Variants in CDK6 observed in about 807,000 individuals in gnomAD.
CDK6 encodes cyclin dependent kinase 6.
CDK6 carries 6 observed loss-of-function variants against 37.1 expected under a neutral mutation model. The ratio of observed to expected loss-of-function variants is 0.16; its 90% CI spans 0.09 to 0.32. CDK6 has a LOEUF of 0.32. Ranked by LOEUF, CDK6 falls within the 10% of genes least tolerant of loss-of-function variation. The pLI is 1.00. For synonymous variants in CDK6, 160 were observed against 161.3 expected (o/e 0.99, Z 0.06); for missense variants, 224 against 418.9 (o/e 0.53, Z 4.06).
At chr7:92,740,015 C>G (rs754241563) in intron 3 of CDK6, among the ~76,000 whole-genome samples, 1 of 152,182 alleles carries the variant, frequency 6.6e-6, no homozygotes, top group Non-Finnish European at 1.5e-5. Context: ...GTCTTGGCCT[C>G]CCACAGCACT....
Position 92,610,954 on chromosome 7 carries a change from G to C in CDK6, c.*4186C>G, listed in dbSNP as rs1463310824. On this transcript the variant is annotated 3_prime_UTR_variant, in exon 8 of 8. Coordinates refer to ENST00000424848, the MANE Select transcript of CDK6 (RefSeq NM_001145306.2). ...CCTCTTCCCTTGAAATGGGAAAAAA[G>C]TACAGGTAATTTAGTTTGCTTGGGA... The C allele has an allele frequency of 1.3e-5, 3 of 227,744 alleles. No individual in the cohort carries two copies. The highest frequency in any genetic ancestry group is 2.6e-5 in the Non-Finnish European group (3 of 114,756). The allele number at this position is 227,744 out of a possible 1,614,324, so 14.1% of individuals were successfully genotyped here. A position where few individuals can be genotyped will look rare whatever the true frequency, so the allele number is the denominator to read the frequency against.
chr7:92,659,639 A>ACAC lies in CDK6; in HGVS notation c.647+11784_647+11786dup, dbSNP rs1585376620. ...ACACACACACACACACACACACCAC[A>ACAC]CACACACACACTTTTGAATTCATAA... On this transcript the variant is annotated intron_variant, in intron 5 of 7. Coordinates refer to ENST00000424848, the MANE Select transcript of CDK6 (RefSeq NM_001145306.2). Among the ~76,000 whole-genome samples the ACAC allele has an allele frequency of 2.7e-4, 40 of 150,016 alleles. No individual in the cohort carries two copies. In the South Asian group the frequency reaches 4.0e-3, roughly 15 times the overall value.
At chr7:92,711,959 C>T (rs532242411) in intron 4 of CDK6, among the ~76,000 whole-genome samples, 5 of 151,872 alleles carry the variant, frequency 3.3e-5, no homozygotes, top group Admixed American at 2.0e-4. Flanking sequence ...GAGGCTGAGG[C>T]GGGCAGATCA....
chr7:92,628,943 CAAAG>C (rs1260313530), intron 5 of CDK6, among the ~76,000 whole-genome samples: 1 of 151,436 alleles, frequency 6.6e-6, no homozygotes, highest in African/African-American at 2.4e-5. Context: ...CCCTGGAAGA[CAAAG>C]AAAGAGAAGT....
chr7:92,753,885 T>C (rs1799249429), intron 3 of CDK6, among the ~76,000 whole-genome samples: 1 of 152,220 alleles, frequency 6.6e-6, no homozygotes, highest in Non-Finnish European at 1.5e-5. Flanking sequence ...CATGGAATGA[T>C]ATAAACAGTT....
At chr7:92,793,383 G>A (rs1480563122) in intron 2 of CDK6, among the ~76,000 whole-genome samples, 1 of 152,082 alleles carries the variant, frequency 6.6e-6, no homozygotes, top group African/African-American at 2.4e-5. Flanking sequence ...AGACAGTATG[G>A]TACTGGCATA....
In CDK6 at chr7:92,819,877, G is replaced by GA. The variant is rs759031449; in HGVS notation, c.233+13213dup. On this transcript the variant is annotated intron_variant, in intron 2 of 7. Transcript: ENST00000424848. ...AAAACCAGAGAAAAGAGATGAATTAGAAAAAAGATTAAAAGAAGAGACACA... is the reference window on the plus strand; with the variant it reads ...AAAACCAGAGAAAAGAGATGAATTAGAAAAAAAGATTAAAAGAAGAGACACA... Among the ~76,000 whole-genome samples, 126 of 151,800 alleles carry GA rather than the reference G, an allele frequency of 8.3e-4. No homozygotes were observed. In the Middle Eastern group the frequency reaches 0.017, roughly 20 times the overall value.
intron 3 of CDK6, among the ~76,000 whole-genome samples, chr7:92,734,525 C>T (rs1303653752): frequency 6.6e-6 from 1 of 152,214 alleles, no homozygotes; most frequent in Non-Finnish European, 1.5e-5. Flanking sequence ...TTAAATTGCT[C>T]TTCCTCTAGA....
intron 4 of CDK6, among the ~76,000 whole-genome samples, chr7:92,672,166 T>TACACACACACACACACAGACAC (rs1400874433): frequency 2.6e-5 from 1 of 38,736 alleles, no homozygotes; most frequent in Non-Finnish European, 4.7e-5. Flanking sequence ...TATATACACA[T>TACACACACACACACACAGACAC]ACACACACAC....
intron 2 of CDK6, among the ~76,000 whole-genome samples, chr7:92,822,516 C>T (rs1584121483): frequency 6.6e-6 from 1 of 152,196 alleles, no homozygotes; most frequent in Non-Finnish European, 1.5e-5. Flanking sequence ...CATGGCTTAA[C>T]TATTTATTCA....
chr7:92,615,383 C>T (rs761312729), intron 7 of CDK6, 97 bp from the exon 8 acceptor site: 87 of 984,322 alleles, frequency 8.8e-5, no homozygotes, highest in Middle Eastern at 3.1e-4. Context: ...ATATGTTAAG[C>T]GCATCTACAG....
At chr7:92,782,475 T>C (rs150181967) in intron 2 of CDK6, among the ~76,000 whole-genome samples, 2,200 of 152,258 alleles carry the variant, frequency 0.014, 30 homozygotes, top group Middle Eastern at 0.034. Context: ...TGATGATGAA[T>C]GATTCAGAGG....
intron 4 of CDK6, among the ~76,000 whole-genome samples, chr7:92,723,101 G>A (rs770272511): frequency 6.6e-6 from 1 of 152,124 alleles, no homozygotes; most frequent in Non-Finnish European, 1.5e-5. Flanking sequence ...GCTTGAACTC[G>A]GAGGGCAGAG....
Position 92,653,609 on chromosome 7 carries a change from G to A in CDK6, c.647+17817C>T, listed in dbSNP as rs530557468. Among the ~76,000 whole-genome samples, 55 of 152,186 alleles carry A rather than the reference G, an allele frequency of 3.6e-4. 2 individuals are homozygous for A. In the South Asian group the frequency reaches 0.011, roughly 30 times the overall value. On this transcript the variant is annotated intron_variant, in intron 5 of 7. Transcript: ENST00000424848. ...TTAGTGGATCCAGAATGAGTTTTCTGTATTCACAGCCCTGAGCATCTCAAG... is the reference window on the plus strand; with the variant it reads ...TTAGTGGATCCAGAATGAGTTTTCTATATTCACAGCCCTGAGCATCTCAAG...
At chr7:92,625,557 C>CA (rs1288276094) in intron 5 of CDK6, among the ~76,000 whole-genome samples, 1 of 145,044 alleles carries the variant, frequency 6.9e-6, no homozygotes, top group African/African-American at 2.7e-5. Context: ...CAAAACAAAA[C>CA]AAAACAAAAA....
intron 3 of CDK6, among the ~76,000 whole-genome samples, chr7:92,736,274 A>G (rs539829480): frequency 2.0e-4 from 31 of 152,338 alleles, no homozygotes; most frequent in Non-Finnish European, 3.1e-4. Flanking sequence ...GTTCATACAC[A>G]TAATAAATTG....
At chr7:92,688,273 C>T (rs763056656) in intron 4 of CDK6, among the ~76,000 whole-genome samples, 10 of 152,068 alleles carry the variant, frequency 6.6e-5, no homozygotes, top group Non-Finnish European at 1.3e-4. Context: ...CCCAACCATT[C>T]GAATTAGTGT....
At chr7:92,799,083 G>A (rs1428033694) in intron 2 of CDK6, among the ~76,000 whole-genome samples, 1 of 152,000 alleles carries the variant, frequency 6.6e-6, no homozygotes, top group Non-Finnish European at 1.5e-5. Context: ...CAACAAAAAT[G>A]TTTAACTGTG....
intron 4 of CDK6, among the ~76,000 whole-genome samples, chr7:92,677,713 C>A (rs1010093880): frequency 9.2e-5 from 14 of 152,190 alleles, no homozygotes; most frequent in African/African-American, 3.4e-4. Flanking sequence ...ATCAAGAGAG[C>A]ATCCCCAGTT....
Sources: allele counts gnomAD v4.1 joint callset (sites outside exome capture counted in the v4.1 genomes callset), GRCh38; gene constraint gnomAD v4.1.1; transcripts MANE v1.5; gene names NCBI Gene and HGNC (gene_info 2026-07-23, HGNC 2026-07-21).